The following GNL3L variants were observed in gnomAD, a reference collection of about 807,000 sequenced individuals.
The protein encoded by GNL3L is G protein nucleolar 3 like.
GNL3L carries 4 observed loss-of-function variants against 42.9 expected under a neutral mutation model. The observed-to-expected ratio is 0.09, with a 90% CI of 0.05 to 0.21. GNL3L has a LOEUF of 0.21. Ranked by LOEUF, GNL3L falls within the 10% of genes least tolerant of loss-of-function variation. GNL3L has a pLI of 1.00. For synonymous variants in GNL3L, 159 were observed against 176.3 expected (o/e 0.90, Z 0.78); for missense variants, 412 against 481.7 (o/e 0.86, Z 1.36).
Position 54,548,214 on chromosome X carries a change from A to T in GNL3L, c.631-15A>T. On this transcript the variant is annotated splice_polypyrimidine_tract_variant and intron_variant, in intron 8 of 15. Coordinates refer to ENST00000360845, the MANE Select transcript of GNL3L (RefSeq NM_001184819.2). ...ACCTGATGTCTCTTCTGTGATATTC[A>T]ATTTTTTTTTCCAGAATCGTTGCAG... The T allele has an allele frequency of 6.7e-6, 8 of 1,201,564 alleles. No homozygotes were observed. Among genetic ancestry groups the T allele is most frequent in the Non-Finnish European group, 9.0e-6 (8 of 887,698 alleles).
chrX:54,539,047 A>G lies in GNL3L; in HGVS notation c.27A>G (p.Lys9=). Residue 9 remains lysine (K), a synonymous_variant, in exon 3 of 16, where the codon AAA becomes AAG. Transcript: ENST00000360845. MMKLRHKN[K]KPGEGSKGHK... is the part of the protein sequence containing the mutation. ...CTTTTTTTTCTTTTGTAGAAAATAA[A>G]AAGCCAGGTGAAGGTTCCAAGGGCC... 1 of 1,137,595 alleles carries G rather than the reference A, an allele frequency of 8.8e-7. No homozygotes were observed. Among genetic ancestry groups the G allele is most frequent in the Non-Finnish European group, 1.2e-6 (1 of 836,624 alleles). 93.8% of individuals were successfully genotyped at this position (1,137,595 alleles called of 1,213,427 possible). A position where few individuals can be genotyped will look rare whatever the true frequency, so the allele number is the denominator to read the frequency against.
chrX:54,577,886 C>T (rs957189461), intron 16 of GNL3L, among the ~76,000 whole-genome samples: 3 of 110,420 alleles, frequency 2.7e-5, no homozygotes, highest in East Asian at 5.7e-4. Context: ...GGACTACAGG[C>T]GTGGGCCACA....
At position 54,621,380 on chromosome X, in the gene GNL3L, C is replaced by T. The variant is rs746571344; in HGVS notation, c.*581C>T. Among the ~76,000 whole-genome samples, 4 of 111,549 alleles carry T rather than the reference C, an allele frequency of 3.6e-5. No individual in the cohort carries two copies. In the East Asian group the frequency reaches 8.5e-4, roughly 24 times the overall value. On this transcript the variant is annotated 3_prime_UTR_variant, in exon 17 of 17. Transcript: ENST00000674498. ...TGAGCTCTTAGCTGACAAGCAGTAT[C>T]GACTATAAGCCATTTGAGTGAGCCT...
Position 54,603,620 on chromosome X carries a change from A to G in GNL3L, c.*46-17225A>G, listed in dbSNP as rs189510918. 4.4e-3 allele frequency among the ~76,000 whole-genome samples: 492 copies of G among 111,825 alleles called. 4 individuals are homozygous for G. The highest frequency in any genetic ancestry group is 9.3e-3 in the Middle Eastern group (2 of 216). On this transcript the variant is annotated intron_variant, in intron 16 of 16. Coordinates refer to the GNL3L transcript ENST00000674498. ...GATATGATGTACTGTGAAGGGTACAACATCACTTTCATAGTATTCCTGCCA... is the reference window on the plus strand; with the variant it reads ...GATATGATGTACTGTGAAGGGTACAGCATCACTTTCATAGTATTCCTGCCA...
downstream of GNL3L, among the ~76,000 whole-genome samples, chrX:54,567,854 T>C (rs1925479851): frequency 8.9e-6 from 1 of 111,864 alleles, no homozygotes; most frequent in Non-Finnish European, 1.9e-5. Context: ...TACATGGTTT[T>C]TCTTTTGTGG....
intron 16 of GNL3L, among the ~76,000 whole-genome samples, chrX:54,572,461 C>G (rs1268964804): frequency 1.8e-5 from 2 of 111,632 alleles, no homozygotes; most frequent in African/African-American, 6.5e-5. Flanking sequence ...CACCTTTCCC[C>G]CCTTTCTATT....
At chrX:54,577,661 T>G in intron 16 of GNL3L, among the ~76,000 whole-genome samples, 1 of 112,007 alleles carries the variant, frequency 8.9e-6, no homozygotes, top group Middle Eastern at 4.6e-3. Flanking sequence ...AGTGAGATCA[T>G]GCAGTATTTG....
At position 54,554,642 on chromosome X, in the gene GNL3L, C is replaced by T. The variant is rs1419880750; in HGVS notation, c.1396C>T (p.Pro466Ser). 5.0e-6 allele frequency: 6 copies of T among 1,202,791 alleles called. No individual in the cohort carries two copies. The highest frequency in any genetic ancestry group is 6.7e-6 in the Non-Finnish European group (6 of 889,073). The change falls in exon 14 of 16, where the codon CCG (proline) becomes TCG (serine). Residue 466 changes from proline to serine, a missense_variant. Pro to Ser is a moderately conservative substitution (Grantham distance 74, BLOSUM62 -1). Transcript: ENST00000360845. ...AATGGAGATCAAGTTGCTCCATTCTCCGATGACGAAAATAGCAGATGCCAT... is the reference window on the plus strand; with the variant it reads ...AATGGAGATCAAGTTGCTCCATTCTTCGATGACGAAAATAGCAGATGCCAT... ...LEMEIKLLHS[P>S]MTKIADAIEN...
intron 1 of GNL3L, among the ~76,000 whole-genome samples, chrX:54,531,769 T>G (rs774865218): frequency 9.0e-6 from 1 of 111,248 alleles, no homozygotes; most frequent in African/African-American, 3.3e-5. Flanking sequence ...AATCTAGAGA[T>G]AAACAGATCT....
At chrX:54,553,318 A>G (rs973901208) in intron 13 of GNL3L, among the ~76,000 whole-genome samples, 2 of 111,646 alleles carry the variant, frequency 1.8e-5, no homozygotes, top group African/African-American at 6.5e-5. Flanking sequence ...GAAGGTATCC[A>G]GTGCCTTCTG....
downstream of GNL3L, among the ~76,000 whole-genome samples, chrX:54,570,154 G>A (rs1238252407): frequency 1.8e-5 from 2 of 111,632 alleles, no homozygotes; most frequent in Admixed American, 9.5e-5. Flanking sequence ...GAGGACTATC[G>A]AAGTCCCCAA....
At chrX:54,623,782 TA>T, downstream of GNL3L, among the ~76,000 whole-genome samples, 1 of 111,928 alleles carries the variant, frequency 8.9e-6, no homozygotes, top group Non-Finnish European at 1.9e-5. Context: ...TAAATTGAAT[TA>T]TTTTTTTAAT....
intron 2 of GNL3L, among the ~76,000 whole-genome samples, chrX:54,535,214 G>T (rs762800060): frequency 9.0e-6 from 1 of 111,522 alleles, no homozygotes; most frequent in African/African-American, 3.3e-5. Flanking sequence ...CGCCTCCTGG[G>T]TTCAAGCGAT....
chrX:54,547,619 C>T (rs368429358), intron 8 of GNL3L, among the ~76,000 whole-genome samples: 18 of 111,218 alleles, frequency 1.6e-4, no homozygotes, highest in East Asian at 1.1e-3. Context: ...GCATGAGAAT[C>T]GTTTGAACCC....
At chrX:54,614,769 G>A (rs1450563329) in intron 16 of GNL3L, among the ~76,000 whole-genome samples, 1 of 111,255 alleles carries the variant, frequency 9.0e-6, no homozygotes, top group Non-Finnish European at 1.9e-5. Context: ...CAGTATTTGG[G>A]GCGTCTCCTG....
At position 54,548,211 on chromosome X, in the gene GNL3L, T is replaced by C. The variant is rs5915137; in HGVS notation, c.631-18T>C. On this transcript the variant is annotated intron_variant, in intron 8 of 15. Transcript: ENST00000360845. ...GCCACCTGATGTCTCTTCTGTGATATTCAATTTTTTTTTCCAGAATCGTTG... is the reference window on the plus strand; with the variant it reads ...GCCACCTGATGTCTCTTCTGTGATACTCAATTTTTTTTTCCAGAATCGTTG... 36,096 of 1,197,491 alleles carry C rather than the reference T, an allele frequency of 0.03. 2,971 individuals carry two copies. In the African/African-American group the frequency reaches 0.36, roughly 12 times the overall value.
intron 1 of GNL3L, among the ~76,000 whole-genome samples, chrX:54,530,993 C>T (rs1924227949): frequency 8.9e-6 from 1 of 111,984 alleles, no homozygotes; most frequent in South Asian, 3.7e-4. Context: ...AGCTTATGGA[C>T]AACTAAGCCA....
At chrX:54,632,323 C>T in the GNL3L span, among the ~76,000 whole-genome samples, 2 of 111,592 alleles carry the variant, frequency 1.8e-5, no homozygotes, top group Admixed American at 1.9e-4. Context: ...AGATTTCTAG[C>T]AAGGCCAGGG....
chrX:54,579,547 CTAATTTTAATTT>C (rs894381964), intron 16 of GNL3L, among the ~76,000 whole-genome samples: 12 of 110,939 alleles, frequency 1.1e-4, no homozygotes, highest in African/African-American at 3.3e-4. Flanking sequence ...CCGTACCTGG[CTAATTTTAATTT>C]TAATTTTAAT....
Sources: gnomAD v4.1 joint callset for allele counts (sites outside exome capture counted in the v4.1 genomes callset) on GRCh38, gnomAD v4.1.1 for gene constraint, MANE v1.5 for transcripts, NCBI Gene and HGNC (gene_info 2026-07-23, HGNC 2026-07-21) for gene names.